The following TRPM1 variants were observed in gnomAD, a reference collection of about 807,000 sequenced individuals.
TRPM1 encodes the protein TRPM1-203 APA Isoform, Intron 10.
Under a neutral mutation model 149.4 loss-of-function variants are expected in TRPM1, and 113 were observed. The observed-to-expected ratio is 0.76, with a 90% confidence interval of 0.65 to 0.88. The LOEUF (loss-of-function observed/expected upper bound fraction) is 0.88, where lower values mean the gene tolerates loss of function less well. TRPM1 is among the 40% of genes least tolerant of loss of function. The probability of loss-of-function intolerance (pLI) is 0.00; values close to 1 mark genes in which losing one functional copy is unlikely to be tolerated. For synonymous variants in TRPM1, 741 were observed against 759.5 expected (o/e 0.98, Z 0.40); for missense variants, 1,976 against 2,038.7 (o/e 0.97, Z 0.59).
At chr15:31,103,778 A>C (rs931711981), upstream of TRPM1, among the ~76,000 whole-genome samples, 4 of 147,802 alleles carry the variant, frequency 2.7e-5, no homozygotes, top group African/African-American at 5.0e-5. Context: ...ACACCACTGC[A>C]CTCCAGCCTG....
At chr15:31,107,192 T>C (rs1288632754) in intron 1 of TRPM1, among the ~76,000 whole-genome samples, 2 of 152,210 alleles carry the variant, frequency 1.3e-5, no homozygotes, top group East Asian at 3.8e-4. Flanking sequence ...GCCTGTGGTT[T>C]TCTTTATGGG....
At chr15:31,004,927 C>T (rs1442346087) in intron 27 of TRPM1, among the ~76,000 whole-genome samples, 22 of 151,936 alleles carry the variant, frequency 1.4e-4, no homozygotes, top group Admixed American at 1.4e-3. Flanking sequence ...TATGGTGAAA[C>T]CCTGTCTCTA....
chr15:31,100,841 G>A (rs533551554), intron 1 of TRPM1, among the ~76,000 whole-genome samples: 15 of 152,304 alleles, frequency 9.8e-5, no homozygotes, highest in South Asian at 4.1e-4. Flanking sequence ...GCTTCTGGGC[G>A]TTTGGGTTGT....
At chr15:31,045,653 C>G (rs2033741851) in intron 16 of TRPM1, among the ~76,000 whole-genome samples, 1 of 152,190 alleles carries the variant, frequency 6.6e-6, no homozygotes, top group Non-Finnish European at 1.5e-5. Context: ...ATACGTTTCC[C>G]TTGCTCTAAG....
chr15:31,117,351 T>C (rs1175374425), intron 1 of TRPM1, among the ~76,000 whole-genome samples: 1 of 152,092 alleles, frequency 6.6e-6, no homozygotes, highest in African/African-American at 2.4e-5. Flanking sequence ...CTGGGCATGG[T>C]GGCACGAGCC....
chr15:31,010,229 A>G (rs2032134614), intron 27 of TRPM1, among the ~76,000 whole-genome samples: 1 of 152,210 alleles, frequency 6.6e-6, no homozygotes, highest in African/African-American at 2.4e-5. Flanking sequence ...AAGTTCTGAC[A>G]TGCTTTCTGT....
intron 1 of TRPM1, among the ~76,000 whole-genome samples, chr15:31,154,748 G>T (rs1034307058): frequency 2.0e-5 from 3 of 152,166 alleles, no homozygotes; most frequent in African/African-American, 7.2e-5. Context: ...CCTAAGAGCA[G>T]TGCTTGAGAT....
intron 1 of TRPM1, among the ~76,000 whole-genome samples, chr15:31,125,591 G>A (rs1053947297): frequency 2.7e-5 from 4 of 148,438 alleles, no homozygotes; most frequent in Non-Finnish European, 6.0e-5. Context: ...TTAGCCGGGC[G>A]TAGTGGCGGG....
intron 1 of TRPM1, among the ~76,000 whole-genome samples, chr15:31,091,059 G>A (rs1326943208): frequency 1.3e-5 from 2 of 152,242 alleles, no homozygotes; most frequent in South Asian, 4.1e-4. Flanking sequence ...AAAAAAAAGT[G>A]CAACGAGGGT....
At position 31,066,056 on chromosome 15, in the gene TRPM1, G is replaced by A. The variant is rs151313855; in HGVS notation, c.790+20C>T. On this transcript the variant is annotated intron_variant, in intron 7 of 27. Coordinates refer to ENST00000256552, the MANE Select transcript of TRPM1 (RefSeq NM_001252024.2). ...GATGGCATCAGCCCAGGAGGACTGC[G>A]TGCCTTTGCCAGCACTTACTTGTGT... The A allele has an allele frequency of 6.9e-4, 1,115 of 1,612,280 alleles. 11 individuals are homozygous for A. In the African/African-American group the frequency reaches 0.012, roughly 18 times the overall value.
intron 25 of TRPM1, 121 bp downstream of exon 25, chr15:31,028,211 C>G: frequency 7.5e-7 from 1 of 1,332,718 alleles, no homozygotes; most frequent in Non-Finnish European, 1.1e-6. Context: ...ATTGGATCTA[C>G]TTAAAAACCC....
In TRPM1 at chr15:31,010,006, C is replaced by A. The variant is rs866261611; in HGVS notation, c.3630-6936G>T. ...TAAAGCCTTTGTCAGATAATTTCAA[C>A]ATCTGTGTTATCTTGACATTGACAT... On this transcript the variant is annotated intron_variant, in intron 27 of 27. Transcript: ENST00000256552. 3.3e-5 allele frequency among the ~76,000 whole-genome samples: 5 copies of A among 152,320 alleles called. No individual in the cohort carries two copies. The South Asian group carries it at 6.2e-4, about 19-fold the overall frequency.
rs535921560 is a variant in TRPM1, at chr15:31,094,138, T to A, written c.-84+7519A>T. Among the ~76,000 whole-genome samples the A allele has an allele frequency of 7.9e-5, 12 of 152,320 alleles. No individual in the cohort carries two copies. In the East Asian group the frequency reaches 2.3e-3, roughly 29 times the overall value. On this transcript the variant is annotated intron_variant, in intron 1 of 27. Transcript: ENST00000256552. ...AGACAGTCTTGTCAACTAATAGTGCTTGGAAAATTGGATATCCACATGCAA... is the reference window on the plus strand; with the variant it reads ...AGACAGTCTTGTCAACTAATAGTGCATGGAAAATTGGATATCCACATGCAA...
chr15:31,106,073 G>A (rs996263309), upstream of TRPM1, among the ~76,000 whole-genome samples: 1 of 152,044 alleles, frequency 6.6e-6, no homozygotes, highest in Non-Finnish European at 1.5e-5. Context: ...TTCTTTCAGA[G>A]TAGTCTGGCT....
Position 31,160,853 on chromosome 15 carries a change from T to C in TRPM1, c.54+53A>G, listed in dbSNP as rs12906081. The stretch of plus-strand genomic sequence containing the variant: ...GAGATGACAGAGCTGGAGACCAGTG[T>C]CCCTCTGCCCTTCCGCCCAGCTGCC... On this transcript the variant is annotated intron_variant, in intron 1 of 26. Coordinates refer to the TRPM1 transcript ENST00000542188. 0.33 allele frequency: 495,086 copies of C among 1,519,290 alleles called. 83,559 individuals carry two copies. Among genetic ancestry groups the C allele is most frequent in the East Asian group, 0.62 (25,443 of 40,820 alleles). The allele number at this position is 1,519,290 out of a possible 1,614,324, so 94.1% of individuals were successfully genotyped here.
At chr15:31,137,596 A>T (rs2141049183) in intron 1 of TRPM1, among the ~76,000 whole-genome samples, 1 of 149,722 alleles carries the variant, frequency 6.7e-6, no homozygotes, top group Admixed American at 6.6e-5. Context: ...CAAGATTCTA[A>T]AATTGCTTTT....
At chr15:31,048,336 T>A (rs2033842583) in intron 13 of TRPM1, among the ~76,000 whole-genome samples, 1 of 152,242 alleles carries the variant, frequency 6.6e-6, no homozygotes, top group African/African-American at 2.4e-5. Flanking sequence ...CTACTCTATA[T>A]AATTAATGAA....
At chr15:31,065,454 G>C (rs1212380254) in intron 7 of TRPM1, among the ~76,000 whole-genome samples, 4 of 152,190 alleles carry the variant, frequency 2.6e-5, no homozygotes, top group Non-Finnish European at 5.9e-5. Context: ...TGCTCCAAGA[G>C]ATTATACCAG....
chr15:31,089,167 G>A (rs2035138779), intron 1 of TRPM1, among the ~76,000 whole-genome samples: 1 of 152,184 alleles, frequency 6.6e-6, no homozygotes, highest in South Asian at 2.1e-4. Context: ...GCCTTCTGGT[G>A]TTGCATTATT....
Sources: gnomAD v4.1 joint callset for allele counts (sites outside exome capture counted in the v4.1 genomes callset) on GRCh38, gnomAD v4.1.1 for gene constraint, MANE v1.5 for transcripts, NCBI Gene and HGNC (gene_info 2026-07-23, HGNC 2026-07-21) for gene names.